The following MIPEP variants were observed in gnomAD, a reference collection of about 807,000 sequenced individuals.
MIPEP encodes the protein mitochondrial intermediate peptidase.
MIPEP carries 79 observed loss-of-function variants against 90.3 expected under a neutral mutation model. The observed-to-expected ratio is 0.87, with a 90% CI of 0.73 to 1.05. The LOEUF (loss-of-function observed/expected upper bound fraction) is 1.05. Among genes scored for constraint, MIPEP ranks in the 50% least tolerant of loss-of-function variants. The pLI, the probability that MIPEP is intolerant of heterozygous loss-of-function variation, is 0.00. For synonymous variants in MIPEP, 334 were observed against 315.8 expected, an observed-to-expected ratio of 1.06 and a Z score of -0.61; for missense variants, 940 against 905.6, an observed-to-expected ratio of 1.04 and a Z score of -0.49.
At chr13:23,810,706 G>A (rs1953161962) in intron 14 of MIPEP, among the ~76,000 whole-genome samples, 1 of 152,202 alleles carries the variant, frequency 6.6e-6, no homozygotes. Flanking sequence ...TTACTCAGTG[G>A]TATGGTCGTA....
chr13:23,828,138 C>A (rs532314140), intron 14 of MIPEP, among the ~76,000 whole-genome samples: 4 of 152,268 alleles, frequency 2.6e-5, no homozygotes, highest in South Asian at 4.1e-4. Flanking sequence ...ATGCAATACC[C>A]ATTAATGATT....
intron 16 of MIPEP, chr13:23,766,027 T>C (rs1952588763): frequency 6.6e-6 from 1 of 152,244 alleles, no homozygotes; most frequent in Admixed American, 6.5e-5. Flanking sequence ...AGGCCTCTGA[T>C]ATGGAATAAT....
intron 16 of MIPEP, among the ~76,000 whole-genome samples, chr13:23,801,859 CT>C (rs571159120): frequency 6.6e-6 from 1 of 152,180 alleles, no homozygotes; most frequent in Non-Finnish European, 1.5e-5. Flanking sequence ...AATCCTCCCC[CT>C]CACCTTTTTT....
chr13:23,735,374 C>A (rs914907607), intron 18 of MIPEP, among the ~76,000 whole-genome samples: 2 of 152,100 alleles, frequency 1.3e-5, no homozygotes, highest in Admixed American at 1.3e-4. Flanking sequence ...ATAAAAAAAA[C>A]TATATTTGAA....
intron 11 of MIPEP, 109 bp downstream of exon 11, chr13:23,841,222 AGGGG>A: frequency 1.2e-6 from 1 of 841,268 alleles, no homozygotes; most frequent in South Asian, 2.1e-5. Flanking sequence ...GAAATAAGGC[AGGGG>A]ACACACTCAG....
chr13:23,787,424 G>T (rs1156948837), intron 16 of MIPEP, among the ~76,000 whole-genome samples: 2 of 147,860 alleles, frequency 1.4e-5, no homozygotes, highest in African/African-American at 4.9e-5. Flanking sequence ...GAGAGAGAGA[G>T]AGAAGACAGA....
intron 10 of MIPEP, among the ~76,000 whole-genome samples, chr13:23,854,829 T>G (rs1869978844): frequency 6.6e-6 from 1 of 151,674 alleles, no homozygotes; most frequent in Non-Finnish European, 1.5e-5. Context: ...GAGGCAGAGG[T>G]TGCAGCGAGC....
rs1252420353 is a variant in MIPEP, at chr13:23,837,261, CACAT to C, written c.1543+287_1543+290del. On this transcript the variant is annotated intron_variant, in intron 13 of 18. Transcript: ENST00000382172. ...AAGGAGATACGTTTTTATTCACACA[CACAT>C]AGCCACAAACTTAAATTCAATATAA... Among the ~76,000 whole-genome samples, 10 of 152,256 alleles carry C rather than the reference CACAT, an allele frequency of 6.6e-5. No homozygotes were observed. In the South Asian group the frequency reaches 2.1e-3, roughly 32 times the overall value.
chr13:23,808,367 G>A (rs1204396940), intron 15 of MIPEP, among the ~76,000 whole-genome samples: 1 of 152,094 alleles, frequency 6.6e-6, no homozygotes, highest in Non-Finnish European at 1.5e-5. Context: ...CCAACGTGCT[G>A]GGATTATAAG....
intron 18 of MIPEP, among the ~76,000 whole-genome samples, chr13:23,739,671 A>G (rs181951148): frequency 6.6e-6 from 1 of 152,236 alleles, no homozygotes; most frequent in African/African-American, 2.4e-5. Flanking sequence ...ATAGGCATGG[A>G]CCTCTCCCAT....
At chr13:23,807,081 T>C (rs748411017) in intron 15 of MIPEP, among the ~76,000 whole-genome samples, 2 of 151,932 alleles carry the variant, frequency 1.3e-5, no homozygotes, top group African/African-American at 4.8e-5. Context: ...AGGGCTCAAC[T>C]AGATGACCAG....
intron 14 of MIPEP, among the ~76,000 whole-genome samples, chr13:23,821,483 A>C (rs1458274567): frequency 6.6e-6 from 1 of 152,218 alleles, no homozygotes; most frequent in Non-Finnish European, 1.5e-5. Flanking sequence ...CTGTAAGAGA[A>C]GACAGAGCAA....
At chr13:23,845,373 G>A (rs1043641986) in intron 10 of MIPEP, among the ~76,000 whole-genome samples, 3 of 152,098 alleles carry the variant, frequency 2.0e-5, no homozygotes, top group Non-Finnish European at 2.9e-5. Context: ...GGAAGCATCC[G>A]ACCACTGACA....
intron 16 of MIPEP, among the ~76,000 whole-genome samples, chr13:23,795,023 T>A (rs1288860046): frequency 6.6e-6 from 1 of 152,198 alleles, no homozygotes; most frequent in Non-Finnish European, 1.5e-5. Context: ...CACCATATGG[T>A]CTTTCTTCGT....
chr13:23,750,707 G>T (rs751326457), intron 18 of MIPEP, among the ~76,000 whole-genome samples: 4 of 152,174 alleles, frequency 2.6e-5, no homozygotes, highest in Middle Eastern at 3.2e-3. Flanking sequence ...CTAAGGTGGG[G>T]AGTATGTACA....
intron 14 of MIPEP, among the ~76,000 whole-genome samples, chr13:23,821,511 T>C (rs1287962528): frequency 6.6e-6 from 1 of 152,194 alleles, no homozygotes; most frequent in East Asian, 1.9e-4. Flanking sequence ...AGGTGAGACC[T>C]GTCACAAGAC....
At chr13:23,746,718 C>T (rs995347730) in intron 18 of MIPEP, among the ~76,000 whole-genome samples, 7 of 151,696 alleles carry the variant, frequency 4.6e-5, no homozygotes, top group African/African-American at 1.7e-4. Flanking sequence ...TGTTTCCATT[C>T]AGCACTCAAA....
chr13:23,753,838 T>C (rs562551834), intron 18 of MIPEP, among the ~76,000 whole-genome samples: 17 of 152,248 alleles, frequency 1.1e-4, no homozygotes, highest in African/African-American at 3.9e-4. Context: ...TATTCAAAGA[T>C]CAAAAGCATT....
chr13:23,792,916 C>G (rs1319930384), intron 16 of MIPEP, among the ~76,000 whole-genome samples: 1 of 152,200 alleles, frequency 6.6e-6, no homozygotes, highest in Non-Finnish European at 1.5e-5. Flanking sequence ...AGATCATTCT[C>G]CATGCTCCAG....
Sources: allele counts gnomAD v4.1 joint callset (sites outside exome capture counted in the v4.1 genomes callset), GRCh38; gene constraint gnomAD v4.1.1; transcripts MANE v1.5; gene names NCBI Gene and HGNC (gene_info 2026-07-23, HGNC 2026-07-21).